The following MYO6 variants were observed in gnomAD, a reference collection of about 807,000 sequenced individuals.
MYO6 encodes the protein myosin VI, also known as unconventional myosin-VI.
MYO6 carries 74 observed loss-of-function variants against 178.7 expected under a neutral mutation model. That is an observed-to-expected ratio of 0.41 (90% CI 0.34 to 0.50). The LOEUF is 0.50. Among genes scored for constraint, MYO6 ranks in the 20% least tolerant of loss-of-function variants. The pLI, the probability that MYO6 is intolerant of heterozygous loss-of-function variation, is 0.09. For missense variants in MYO6, 1,330 were observed against 1,547.4 expected, an observed-to-expected ratio of 0.86 and a Z score of 2.36; for synonymous variants, 477 against 504.6, an observed-to-expected ratio of 0.95 and a Z score of 0.73.
chr6:75,871,508 TC>T (rs1777145387), intron 19 of MYO6, among the ~76,000 whole-genome samples: 1 of 152,282 alleles, frequency 6.6e-6, no homozygotes, highest in Non-Finnish European at 1.5e-5. Flanking sequence ...ACTTGGCCTC[TC>T]AAAGTGCTGG....
intron 1 of MYO6, among the ~76,000 whole-genome samples, chr6:75,759,530 C>G (rs1486170295): frequency 6.6e-6 from 1 of 151,472 alleles, no homozygotes; most frequent in Non-Finnish European, 1.5e-5. Flanking sequence ...CTCCGAGTCT[C>G]CACCGGTGAC....
chr6:75,851,202 A>G (rs1457409921), intron 11 of MYO6, among the ~76,000 whole-genome samples: 1 of 152,190 alleles, frequency 6.6e-6, no homozygotes. Context: ...GTGTTGCATG[A>G]TCAAGTTATT....
At chr6:75,911,632 C>T (rs376791445) in intron 32 of MYO6, 40 bp from the exon 33 acceptor site, 1 of 1,574,688 alleles carries the variant, frequency 6.4e-7, no homozygotes. Context: ...ACAGTTTTGG[C>T]ATTTTTATCT....
At chr6:75,841,437 C>T in intron 9 of MYO6, 59 bp downstream of exon 9, 1 of 1,535,040 alleles carries the variant, frequency 6.5e-7, no homozygotes, top group Non-Finnish European at 8.9e-7. Context: ...GCCTGTAATC[C>T]CAACACTTTG....
chr6:75,887,362 G>A (rs1778516835), intron 25 of MYO6, among the ~76,000 whole-genome samples: 2 of 152,140 alleles, frequency 1.3e-5, no homozygotes, highest in South Asian at 4.1e-4. Context: ...AAAAGTTGGA[G>A]GCCATACATG....
intron 1 of MYO6, among the ~76,000 whole-genome samples, chr6:75,764,406 A>T (rs1344944072): frequency 6.6e-6 from 1 of 152,114 alleles, no homozygotes; most frequent in Non-Finnish European, 1.5e-5. Flanking sequence ...TTCTTTAGTC[A>T]TTCTTACCCA....
chr6:75,835,182 T>C (rs1461250566), intron 6 of MYO6, among the ~76,000 whole-genome samples: 1 of 152,196 alleles, frequency 6.6e-6, no homozygotes, highest in Non-Finnish European at 1.5e-5. Context: ...ACATCTCCTA[T>C]AGTTTATGAA....
chr6:75,797,060 T>C (rs1768922284), intron 1 of MYO6, among the ~76,000 whole-genome samples: 1 of 152,158 alleles, frequency 6.6e-6, no homozygotes, highest in East Asian at 1.9e-4. Flanking sequence ...CATGTGTCTT[T>C]TCTTTTTCTG....
At chr6:75,893,085 ATTT>A (rs1250105905) in intron 28 of MYO6, among the ~76,000 whole-genome samples, 3 of 152,094 alleles carry the variant, frequency 2.0e-5, no homozygotes, top group Admixed American at 2.0e-4. Context: ...TGTAGTTGAG[ATTT>A]TTCTAATGCA....
intron 16 of MYO6, among the ~76,000 whole-genome samples, chr6:75,863,318 A>G (rs879514127): frequency 2.6e-5 from 4 of 152,166 alleles, no homozygotes; most frequent in Admixed American, 6.5e-5. Flanking sequence ...CAGCCAATTC[A>G]TTTTGACCCT....
intron 9 of MYO6, among the ~76,000 whole-genome samples, chr6:75,843,194 C>A (rs1213564956): frequency 6.6e-6 from 1 of 152,106 alleles, no homozygotes; most frequent in African/African-American, 2.4e-5. Context: ...ATTGAGAGAT[C>A]AGGTTTTAAA....
In MYO6 at chr6:75,841,509, C is replaced by T. The variant is rs796615465; in HGVS notation, c.816+131C>T. 7.3e-5 allele frequency: 58 copies of T among 794,568 alleles called. No homozygotes were observed. The African/African-American group carries it at 8.8e-4, about 12-fold the overall frequency. The allele number at this position is 794,568 out of a possible 1,614,324, so 49.2% of individuals were successfully genotyped here. On this transcript the variant is annotated intron_variant, in intron 9 of 34. Coordinates refer to ENST00000369977, the MANE Select transcript of MYO6 (RefSeq NM_004999.4). Reference sequence around the variant, plus strand: ...TTCGAGAGCAGCCTGGGCAATGTAGCGAGACCCTGTCTCTAAAAAAAAAAA... The same window carrying T: ...TTCGAGAGCAGCCTGGGCAATGTAGTGAGACCCTGTCTCTAAAAAAAAAAA...
chr6:75,881,130 G>T (rs2149346011), intron 22 of MYO6, among the ~76,000 whole-genome samples: 1 of 152,240 alleles, frequency 6.6e-6, no homozygotes, highest in Middle Eastern at 3.4e-3. Context: ...GTGCGTGCCT[G>T]TAATCTCAGC....
rs569784921 is a variant in MYO6, at chr6:75,817,972, C to T, written c.117+308C>T. ...AACTAGCTGTATGATAAAATCTAAA[C>T]AATAATGACATTTTAATTTCTTGTG... is the stretch of plus-strand genomic sequence containing the variant. On this transcript the variant is annotated intron_variant, in intron 2 of 34. Coordinates refer to ENST00000369977, the MANE Select transcript of MYO6 (RefSeq NM_004999.4). Among the ~76,000 whole-genome samples the T allele has an allele frequency of 3.9e-5, 6 of 152,178 alleles. No individual in the cohort carries two copies. In the South Asian group the frequency reaches 1.2e-3, roughly 32 times the overall value.
chr6:75,892,852 C>T (rs1010818939), intron 28 of MYO6, among the ~76,000 whole-genome samples, 162 bp downstream of exon 28: 3 of 152,142 alleles, frequency 2.0e-5, no homozygotes, highest in Non-Finnish European at 1.5e-5. Context: ...GACTTTCATA[C>T]TCAAGTGAAT....
At position 75,916,811 on chromosome 6, in the gene MYO6, CAT is replaced by C. The variant is rs1379482648; in HGVS notation, c.*1802_*1803del. On this transcript the variant is annotated 3_prime_UTR_variant, in exon 35 of 35. Coordinates refer to ENST00000369977, the MANE Select transcript of MYO6 (RefSeq NM_004999.4). ...CTAGATGGAAAATTAAAGAGTTAAACATATTTAAATGAGAGAATCTAATGTTT... is the reference window on the plus strand; with the variant it reads ...CTAGATGGAAAATTAAAGAGTTAAACATTTAAATGAGAGAATCTAATGTTT... 1.3e-5 allele frequency: 2 copies of C among 151,960 alleles called. No individual in the cohort carries two copies. The highest frequency in any genetic ancestry group is 4.8e-5 in the African/African-American group (2 of 41,384). The allele number at this position is 151,960 out of a possible 1,614,324, so 9.4% of individuals were successfully genotyped here.
intron 1 of MYO6, among the ~76,000 whole-genome samples, chr6:75,772,455 G>A (rs1446616563): frequency 6.6e-6 from 1 of 152,018 alleles, no homozygotes; most frequent in Non-Finnish European, 1.5e-5. Context: ...TTGAGTGCTT[G>A]GTTAGGTTTT....
intron 30 of MYO6, among the ~76,000 whole-genome samples, chr6:75,902,814 T>A (rs1291466556): frequency 2.6e-5 from 4 of 151,112 alleles, no homozygotes; most frequent in Admixed American, 6.6e-5. Flanking sequence ...TTAATTGTGA[T>A]GTTAGGGTGT....
chr6:75,828,443 T>A (rs1772706471), intron 3 of MYO6, 97 bp from the exon 4 acceptor site: 3 of 782,900 alleles, frequency 3.8e-6, no homozygotes, highest in Non-Finnish European at 6.6e-6. Flanking sequence ...AACAATTGAT[T>A]TTTAGGATGA....
Sources: gnomAD v4.1 joint callset for allele counts (sites outside exome capture counted in the v4.1 genomes callset) on GRCh38, gnomAD v4.1.1 for gene constraint, MANE v1.5 for transcripts, NCBI Gene and HGNC (gene_info 2026-07-23, HGNC 2026-07-21) for gene names.